The following FOCAD variants were observed in gnomAD, a reference collection of about 807,000 sequenced individuals.
FOCAD encodes focadhesin.
In FOCAD, 198 loss-of-function variants were observed where a neutral mutation model predicts 225.6. The ratio of observed to expected loss-of-function variants is 0.88; its 90% confidence interval spans 0.78 to 0.99. The LOEUF (loss-of-function observed/expected upper bound fraction) is 0.99. FOCAD is among the 50% of genes least tolerant of loss of function. The pLI is 0.00. For synonymous variants in FOCAD, 897 were observed against 755.0 expected (o/e 1.19, Z -3.08); for missense variants, 2,713 against 2,123.6 (o/e 1.28, Z -5.46).
chr9:20,671,938 C>A (rs562866339), intron 2 of FOCAD, among the ~76,000 whole-genome samples: 1 of 151,686 alleles, frequency 6.6e-6, no homozygotes, highest in African/African-American at 2.4e-5. Context: ...TGAATTTGGC[C>A]GTAATAGGAA....
At chr9:20,748,284 A>G (rs1389157783) in intron 5 of FOCAD, among the ~76,000 whole-genome samples, 1 of 152,090 alleles carries the variant, frequency 6.6e-6, no homozygotes, top group East Asian at 1.9e-4. Context: ...AACATATCAT[A>G]TAACTTTTTA....
chr9:20,992,359 G>A (rs1841744746), intron 42 of FOCAD, among the ~76,000 whole-genome samples: 1 of 152,116 alleles, frequency 6.6e-6, no homozygotes, highest in African/African-American at 2.4e-5. Flanking sequence ...GGGCACAACT[G>A]TTCTCATCTA....
Position 20,913,149 on chromosome 9 carries a change from C to CACAA in FOCAD, c.2807+198_2807+199insAACA, listed in dbSNP as rs1177312573. ...GCTTTATTTATAAATTATACATACA[C>CACAA]ACACACACACACACACACACACACA... On this transcript the variant is annotated intron_variant, in intron 23 of 43. Coordinates refer to ENST00000338382, the MANE Select transcript of FOCAD (RefSeq NM_001375567.1). Among the ~76,000 whole-genome samples the CACAA allele has an allele frequency of 7.6e-5, 8 of 104,756 alleles. No individual in the cohort carries two copies. In the East Asian group the frequency reaches 1.9e-3, roughly 25 times the overall value. The allele number at this position is 104,756 out of a possible 152,430, so 68.7% of individuals were successfully genotyped here. A position where few individuals can be genotyped will look rare whatever the true frequency, so the allele number is the denominator to read the frequency against.
Position 20,789,523 on chromosome 9 carries a change from C to G in FOCAD, c.1370C>G (p.Ala457Gly). The change falls in exon 11 of 44, where the codon GCT becomes GGT. Residue 457 changes from alanine to glycine, a missense_variant. Coordinates refer to ENST00000338382, the MANE Select transcript of FOCAD (RefSeq NM_001375567.1). ...VIPAPAFLLL[A>G]HLLVEDKGQN... is the part of the protein sequence containing the mutation. ...CCTGCGCCTGCCTTTCTTCTGCTGGCTCACCTCCTTGTTGAAGACAAAGGA... is the reference window on the plus strand; with the variant it reads ...CCTGCGCCTGCCTTTCTTCTGCTGGGTCACCTCCTTGTTGAAGACAAAGGA... The G allele has an allele frequency of 1.2e-6, 2 of 1,613,996 alleles. No individual in the cohort carries two copies. Among genetic ancestry groups the G allele is most frequent in the Non-Finnish European group, 1.7e-6 (2 of 1,179,996 alleles).
At chr9:20,739,148 A>G (rs1356090451) in intron 4 of FOCAD, among the ~76,000 whole-genome samples, 2 of 152,190 alleles carry the variant, frequency 1.3e-5, no homozygotes, top group Admixed American at 6.5e-5. Context: ...AAATGCCACA[A>G]ATGATACCTA....
chr9:20,688,182 G>A lies in FOCAD; in HGVS notation c.-33+3889G>A, dbSNP rs892346355. On this transcript the variant is annotated intron_variant, in intron 1 of 43. Coordinates refer to ENST00000338382, the MANE Select transcript of FOCAD (RefSeq NM_001375567.1). ...ATCCATGAGTAATAGATTTTAAGTG[G>A]AAGAAAGTTAACATCAGTTTCATGA... Among the ~76,000 whole-genome samples, 9 of 152,336 alleles carry A rather than the reference G, an allele frequency of 5.9e-5. 1 individual carries two copies. Among genetic ancestry groups the A allele is most frequent in the Admixed American group, 3.9e-4 (6 of 15,306 alleles).
At chr9:20,663,055 T>C (rs1307772700) in intron 2 of FOCAD, among the ~76,000 whole-genome samples, 2 of 152,152 alleles carry the variant, frequency 1.3e-5, no homozygotes, top group African/African-American at 2.4e-5. Flanking sequence ...AAAGGTTTTT[T>C]ACTTCTGATA....
At chr9:20,702,814 A>C (rs1364972882) in intron 1 of FOCAD, among the ~76,000 whole-genome samples, 1 of 151,834 alleles carries the variant, frequency 6.6e-6, no homozygotes, top group Non-Finnish European at 1.5e-5. Flanking sequence ...GAATTAGTTA[A>C]AGTGTCTTGT....
In FOCAD at chr9:20,772,254, A is replaced by C. The variant is rs182118016; in HGVS notation, c.906+2016A>C. 1.7e-3 allele frequency among the ~76,000 whole-genome samples: 258 copies of C among 152,316 alleles called. 2 individuals are homozygous for C. The highest frequency in any genetic ancestry group is 3.4e-3 in the Middle Eastern group (1 of 294). On this transcript the variant is annotated intron_variant, in intron 8 of 43. Coordinates refer to ENST00000338382, the MANE Select transcript of FOCAD (RefSeq NM_001375567.1). ...GAGGGAAGATGATTAATTAGATTTCAGATATGCTTGACTTGAGGTATGTAT... is the reference window on the plus strand; with the variant it reads ...GAGGGAAGATGATTAATTAGATTTCCGATATGCTTGACTTGAGGTATGTAT...
chr9:20,683,693 T>G (rs1822481980), upstream of FOCAD, among the ~76,000 whole-genome samples: 2 of 152,286 alleles, frequency 1.3e-5, no homozygotes, highest in South Asian at 2.1e-4. Flanking sequence ...CAAGTGGATA[T>G]ACCACAGTGG....
chr9:20,724,769 T>C (rs1826060489), intron 4 of FOCAD, among the ~76,000 whole-genome samples: 1 of 152,078 alleles, frequency 6.6e-6, no homozygotes, highest in Admixed American at 6.5e-5. Flanking sequence ...GAATCCATTT[T>C]AAGAAACAAG....
chr9:20,863,990 A>G (rs1451574794), intron 16 of FOCAD, among the ~76,000 whole-genome samples: 1 of 151,606 alleles, frequency 6.6e-6, no homozygotes, highest in Non-Finnish European at 1.5e-5. Context: ...TTGGTATCTT[A>G]TACTAGGGTT....
chr9:20,726,967 A>C (rs1826247914), intron 4 of FOCAD, among the ~76,000 whole-genome samples: 1 of 152,182 alleles, frequency 6.6e-6, no homozygotes, highest in Admixed American at 6.6e-5. Flanking sequence ...GGAAGACAGC[A>C]CATTTTAATC....
intron 15 of FOCAD, among the ~76,000 whole-genome samples, chr9:20,829,693 C>T (rs1289422564): frequency 1.3e-5 from 2 of 152,066 alleles, no homozygotes; most frequent in African/African-American, 4.8e-5. Context: ...GGGCCTTTCA[C>T]TACAAAGAGA....
At chr9:20,985,555 T>A (rs545774023) in intron 39 of FOCAD, among the ~76,000 whole-genome samples, 3 of 152,316 alleles carry the variant, frequency 2.0e-5, no homozygotes, top group African/African-American at 7.2e-5. Flanking sequence ...AGTTTTTCCA[T>A]CAATTATTCT....
chr9:20,860,130 T>C (rs1046784469), intron 15 of FOCAD, among the ~76,000 whole-genome samples: 22 of 152,286 alleles, frequency 1.4e-4, no homozygotes, highest in Non-Finnish European at 3.2e-4. Context: ...TTCACCCTTC[T>C]TCCCCTAATA....
chr9:20,877,917 C>T (rs1830362296), intron 19 of FOCAD, among the ~76,000 whole-genome samples: 1 of 152,020 alleles, frequency 6.6e-6, no homozygotes, highest in Non-Finnish European at 1.5e-5. Context: ...AAAAAACAAA[C>T]AAACAAACAA....
chr9:20,968,209 G>A (rs1268734577), intron 35 of FOCAD, among the ~76,000 whole-genome samples: 1 of 151,982 alleles, frequency 6.6e-6, no homozygotes, highest in African/African-American at 2.4e-5. Context: ...GGAATTTTTC[G>A]ATTTAATCTA....
chr9:20,985,699 C>T (rs1046697594), intron 39 of FOCAD, among the ~76,000 whole-genome samples: 5 of 152,010 alleles, frequency 3.3e-5, no homozygotes, highest in African/African-American at 9.7e-5. Flanking sequence ...CTCAGTTTGT[C>T]GCACAGAATA....
Sources: gnomAD v4.1 joint callset for allele counts (sites outside exome capture counted in the v4.1 genomes callset) on GRCh38, gnomAD v4.1.1 for gene constraint, MANE v1.5 for transcripts, NCBI Gene and HGNC (gene_info 2026-07-23, HGNC 2026-07-21) for gene names.